The following KRTAP19-4 variants were observed in gnomAD, a reference collection of about 807,000 sequenced individuals.
KRTAP19-4 encodes the protein keratin-associated protein 19-4.
For synonymous variants in KRTAP19-4, 42 were observed against 41.7 expected (o/e 1.01, Z -0.03); for missense variants, 102 against 101.1 (o/e 1.01, Z -0.04).
the KRTAP19-4 span, chr21:30,496,907 C>CTCAG: frequency 6.2e-7 from 1 of 1,610,890 alleles, no homozygotes; most frequent in African/African-American, 1.4e-5. Flanking sequence ...ATATCGTGTC[C>CTCAG]TCAGGGTAGG....
chr21:30,496,873 T>C lies in KRTAP19-4; in HGVS notation c.238A>G (p.Asn80Asp). 1 of 1,609,768 alleles carries C rather than the reference T, an allele frequency of 6.2e-7. No homozygotes were observed. The highest frequency in any genetic ancestry group is 2.2e-5 in the East Asian group (1 of 44,750). ...TISEVIRRSF[N>D]LTKY ...TGTTTGACTCAATATTTGGTTAAATTGAATGATCTTCTTATGACCTCTGAT... is the reference window on the plus strand; with the variant it reads ...TGTTTGACTCAATATTTGGTTAAATCGAATGATCTTCTTATGACCTCTGAT... Residue 80 changes from asparagine to aspartate, a missense_variant, in exon 1 of 1, where the codon AAT (asparagine) becomes GAT (aspartate). By Grantham distance (23) the Asn-to-Asp change is conservative. Coordinates refer to ENST00000334058, the MANE Select transcript of KRTAP19-4 (RefSeq NM_181610.3).
chr21:30,496,988 A>G lies in KRTAP19-4; in HGVS notation c.123T>C (p.Phe41=), dbSNP rs1986118226. 1 of 1,613,210 alleles carries G rather than the reference A, an allele frequency of 6.2e-7. No homozygotes were observed. Among genetic ancestry groups the G allele is most frequent in the African/African-American group, 1.3e-5 (1 of 74,692 alleles). The change falls in exon 1 of 1, where the codon TTT becomes TTC. Residue 41 remains phenylalanine (F), a synonymous_variant. Coordinates refer to ENST00000334058, the MANE Select transcript of KRTAP19-4 (RefSeq NM_181610.3). ...GGCAGTAGCCATATCCGTTGCCTCC[A>G]AAGCCACAGCCATAACCCAGTCTGC... ...SFRRLGYGCG[F]GGNGYGYCRP...
chr21:30,496,936 ATCCATATCC>A lies in KRTAP19-4; in HGVS notation c.166_174del (p.Gly56_Gly58del). On this transcript the variant is annotated inframe_deletion, in exon 1 of 1. Transcript: ENST00000334058. ...GGGTAGGATTTCAGTAGAATTGAGAATCCATATCCTCCATAGCATGATGGGCGGCAGTAG... is the reference window on the plus strand; with the variant it reads ...GGGTAGGATTTCAGTAGAATTGAGAATCCATAGCATGATGGGCGGCAGTAG... 6.2e-7 allele frequency: 1 copy of A among 1,612,380 alleles called. No homozygotes were observed. Among genetic ancestry groups the A allele is most frequent in the Non-Finnish European group, 8.5e-7 (1 of 1,179,756 alleles).
Position 30,496,993 on chromosome 21 carries a change from C to T in KRTAP19-4, c.118G>A (p.Gly40Ser). ...GSFRRLGYGCGFGGNGYGYCR... is the reference protein window; with the variant it reads ...GSFRRLGYGCSFGGNGYGYCR... The stretch of plus-strand genomic sequence containing the variant: ...TAGCCATATCCGTTGCCTCCAAAGC[C>T]ACAGCCATAACCCAGTCTGCGGAAG... Residue 40 changes from glycine (G) to serine (S), a missense_variant, in exon 1 of 1, where the codon GGC (glycine) becomes AGC (serine). Transcript: ENST00000334058. 1 of 1,612,872 alleles carries T rather than the reference C, an allele frequency of 6.2e-7. No homozygotes were observed. The highest frequency in any genetic ancestry group is 8.5e-7 in the Non-Finnish European group (1 of 1,179,656).
chr21:30,496,932 G>C, the KRTAP19-4 span: 1 of 1,611,816 alleles, frequency 6.2e-7, no homozygotes, highest in South Asian at 1.1e-5. Flanking sequence ...CAGTAGAATT[G>C]AGAATCCATA....
Position 30,497,147 on chromosome 21 carries a change from C to A in KRTAP19-4, c.-37G>T. The A allele has an allele frequency of 6.2e-7, 1 of 1,611,200 alleles. No individual in the cohort carries two copies. The highest frequency in any genetic ancestry group is 1.1e-5 in the South Asian group (1 of 90,922). On this transcript the variant is annotated 5_prime_UTR_variant, in exon 1 of 1. Coordinates refer to ENST00000334058, the MANE Select transcript of KRTAP19-4 (RefSeq NM_181610.3). ...TGGTGAGTTGTTTGGCTGCTCAAGG[C>A]AAGATCCTAAGTGTGAATGGCAGCA...
rs756908944 is a variant in KRTAP19-4 at position 30,497,100 on chromosome 21, T to C, written c.11A>G (p.Tyr4Cys). 6.2e-6 allele frequency: 10 copies of C among 1,613,490 alleles called. No individual in the cohort carries two copies. The highest frequency in any genetic ancestry group is 1.1e-5 in the South Asian group (1 of 91,018). The change falls in exon 1 of 1, where the codon TAT becomes TGT. Residue 4 changes from tyrosine (Y) to cysteine (C), a missense_variant. By Grantham distance (194) the Tyr-to-Cys change is radical. Coordinates refer to ENST00000334058, the MANE Select transcript of KRTAP19-4 (RefSeq NM_181610.3). ...GCCCAGGCCTCTGTAATAGCTGCCATAGTAGCTCATGGCGTCAGGAGTGGT... is the reference window on the plus strand; with the variant it reads ...GCCCAGGCCTCTGTAATAGCTGCCACAGTAGCTCATGGCGTCAGGAGTGGT... MSY[Y>C]GSYYRGLGYG...
At position 30,497,022 on chromosome 21, in the gene KRTAP19-4, C is replaced by T. The variant is rs543482103; in HGVS notation, c.89G>A (p.Gly30Asp). 3 of 1,613,346 alleles carry T rather than the reference C, an allele frequency of 1.9e-6. No homozygotes were observed. Among genetic ancestry groups the T allele is most frequent in the East Asian group, 2.2e-5 (1 of 44,828 alleles). ...GLGYGYGCGC[G>D]SFRRLGYGCG... ...GCCATAACCCAGTCTGCGGAAGCTG[C>T]CACATCCACAGCCATAGCCATAGCC... Residue 30 changes from glycine (G) to aspartate (D), a missense_variant, in exon 1 of 1, where the codon GGC (glycine) becomes GAC (aspartate). Transcript: ENST00000334058.
chr21:30,496,967 G>A lies in KRTAP19-4; in HGVS notation c.144C>T (p.Tyr48=), dbSNP rs776740400. 7.4e-6 allele frequency: 12 copies of A among 1,611,314 alleles called. No homozygotes were observed. Among genetic ancestry groups the A allele is most frequent in the Non-Finnish European group, 1.0e-5 (12 of 1,179,662 alleles). Residue 48 remains tyrosine, a synonymous_variant, in exon 1 of 1, where the codon TAC becomes TAT. Transcript: ENST00000334058. ...GCGFGGNGYG[Y]CRPSCYGGYG... The stretch of plus-strand genomic sequence containing the variant: ...ATCCTCCATAGCATGATGGGCGGCA[G>A]TAGCCATATCCGTTGCCTCCAAAGC...
Position 30,496,910 on chromosome 21 carries a change from A to G in KRTAP19-4, c.201T>C (p.Pro67=). ...YGFSILLKSY[P]EDTISEVIRR... ...TTATGACCTCTGATATCGTGTCCTC[A>G]GGGTAGGATTTCAGTAGAATTGAGA... The change falls in exon 1 of 1, where the codon CCT becomes CCC. Residue 67 remains proline (P), a synonymous_variant. Transcript: ENST00000334058. 6.2e-7 allele frequency: 1 copy of G among 1,611,718 alleles called. No individual in the cohort carries two copies. Among genetic ancestry groups the G allele is most frequent in the Non-Finnish European group, 8.5e-7 (1 of 1,179,656 alleles).
Position 30,497,130 on chromosome 21 carries a change from T to G in KRTAP19-4, c.-20A>C. 6.2e-7 allele frequency: 1 copy of G among 1,612,718 alleles called. No homozygotes were observed. Among genetic ancestry groups the G allele is most frequent in the South Asian group, 1.1e-5 (1 of 91,008 alleles). ...GCTCATGGCGTCAGGAGTGGTGAGT[T>G]GTTTGGCTGCTCAAGGCAAGATCCT... On this transcript the variant is annotated 5_prime_UTR_variant, in exon 1 of 1. Coordinates refer to ENST00000334058, the MANE Select transcript of KRTAP19-4 (RefSeq NM_181610.3).
chr21:30,497,114 G>T lies in KRTAP19-4; in HGVS notation c.-4C>A. The T allele has an allele frequency of 6.2e-7, 1 of 1,613,388 alleles. No homozygotes were observed. Among genetic ancestry groups the T allele is most frequent in the Non-Finnish European group, 8.5e-7 (1 of 1,179,780 alleles). ...AATAGCTGCCATAGTAGCTCATGGC[G>T]TCAGGAGTGGTGAGTTGTTTGGCTG... On this transcript the variant is annotated 5_prime_UTR_variant, in exon 1 of 1. Coordinates refer to ENST00000334058, the MANE Select transcript of KRTAP19-4 (RefSeq NM_181610.3).
chr21:30,496,896 G>A lies in KRTAP19-4; in HGVS notation c.215C>T (p.Ser72Leu). The A allele has an allele frequency of 6.2e-7, 1 of 1,610,542 alleles. No individual in the cohort carries two copies. Among genetic ancestry groups the A allele is most frequent in the Non-Finnish European group, 8.5e-7 (1 of 1,179,372 alleles). ...ATTGAATGATCTTCTTATGACCTCT[G>A]ATATCGTGTCCTCAGGGTAGGATTT... ...LLKSYPEDTI[S>L]EVIRRSFNLT... is the part of the protein sequence containing the mutation. The change falls in exon 1 of 1, where the codon TCA (serine) becomes TTA (leucine). Residue 72 changes from serine (S) to leucine (L), a missense_variant. Physicochemically the swap from Ser to Leu is moderately radical, Grantham distance 145. Transcript: ENST00000334058.
At position 30,497,059 on chromosome 21, in the gene KRTAP19-4, A is replaced by G. The variant is rs927851111; in HGVS notation, c.52T>C (p.Phe18Leu). The G allele has an allele frequency of 6.2e-7, 1 of 1,613,048 alleles. No individual in the cohort carries two copies. The highest frequency in any genetic ancestry group is 8.5e-7 in the Non-Finnish European group (1 of 1,179,810). ...CCATAGCCATAGCCTAGGCCACCAAAGCCTCCACAGCCATAGCCCAGGCCT... is the reference window on the plus strand; with the variant it reads ...CCATAGCCATAGCCTAGGCCACCAAGGCCTCCACAGCCATAGCCCAGGCCT... The part of the protein sequence containing the change: ...YRGLGYGCGG[F>L]GGLGYGYGCG... Residue 18 changes from phenylalanine to leucine, a missense_variant, in exon 1 of 1, where the codon TTT becomes CTT. Physicochemically the swap from Phe to Leu is conservative, Grantham distance 22. Transcript: ENST00000334058.
In KRTAP19-4 at chr21:30,496,947, C is replaced by G. The variant is rs1319150580; in HGVS notation, c.164G>C (p.Gly55Ala). 1 of 1,612,396 alleles carries G rather than the reference C, an allele frequency of 6.2e-7. No individual in the cohort carries two copies. Among genetic ancestry groups the G allele is most frequent in the Non-Finnish European group, 8.5e-7 (1 of 1,179,740 alleles). Residue 55 changes from glycine (G) to alanine (A), a missense_variant, in exon 1 of 1, where the codon GGA becomes GCA. Physicochemically the swap from Gly to Ala is moderately conservative, Grantham distance 60. Coordinates refer to ENST00000334058, the MANE Select transcript of KRTAP19-4 (RefSeq NM_181610.3). ...GYGYCRPSCY[G>A]GYGFSILLKS... The stretch of plus-strand genomic sequence containing the variant: ...CAGTAGAATTGAGAATCCATATCCT[C>G]CATAGCATGATGGGCGGCAGTAGCC...
Position 30,497,063 on chromosome 21 carries a change from T to C in KRTAP19-4, c.48A>G (p.Gly16=). ...AGCCATAGCCTAGGCCACCAAAGCC[T>C]CCACAGCCATAGCCCAGGCCTCTGT... ...SYYRGLGYGC[G]GFGGLGYGYG... Residue 16 remains glycine (G), a synonymous_variant, in exon 1 of 1, where the codon GGA becomes GGG. Coordinates refer to ENST00000334058, the MANE Select transcript of KRTAP19-4 (RefSeq NM_181610.3). 2 of 1,613,038 alleles carry C rather than the reference T, an allele frequency of 1.2e-6. No individual in the cohort carries two copies. The highest frequency in any genetic ancestry group is 1.7e-6 in the Non-Finnish European group (2 of 1,179,766).
chr21:30,497,006 C>T lies in KRTAP19-4; in HGVS notation c.105G>A (p.Leu35=), dbSNP rs1458611664. The T allele has an allele frequency of 6.2e-7, 1 of 1,613,042 alleles. No homozygotes were observed. The highest frequency in any genetic ancestry group is 8.5e-7 in the Non-Finnish European group (1 of 1,179,868). Residue 35 remains leucine (L), a synonymous_variant, in exon 1 of 1, where the codon CTG becomes CTA. Transcript: ENST00000334058. ...YGCGCGSFRR[L]GYGCGFGGNG... ...TGCCTCCAAAGCCACAGCCATAACCCAGTCTGCGGAAGCTGCCACATCCAC... is the reference window on the plus strand; with the variant it reads ...TGCCTCCAAAGCCACAGCCATAACCTAGTCTGCGGAAGCTGCCACATCCAC...
rs766275066 is a variant in KRTAP19-4 at position 30,496,897 on chromosome 21, A to T, written c.214T>A (p.Ser72Thr). 12 of 1,610,930 alleles carry T rather than the reference A, an allele frequency of 7.4e-6. No individual in the cohort carries two copies. The South Asian group carries it at 1.3e-4, about 18-fold the overall frequency. ...LLKSYPEDTI[S>T]EVIRRSFNLT... ...TTGAATGATCTTCTTATGACCTCTG[A>T]TATCGTGTCCTCAGGGTAGGATTTC... Residue 72 changes from serine (S) to threonine (T), a missense_variant, in exon 1 of 1, where the codon TCA (serine) becomes ACA (threonine). Physicochemically the swap from Ser to Thr is moderately conservative, Grantham distance 58 (BLOSUM62 1). Coordinates refer to ENST00000334058, the MANE Select transcript of KRTAP19-4 (RefSeq NM_181610.3).
chr21:30,496,960 G>A lies in KRTAP19-4; in HGVS notation c.151C>T (p.Pro51Ser). The A allele has an allele frequency of 6.2e-7, 1 of 1,612,340 alleles. No homozygotes were observed. The highest frequency in any genetic ancestry group is 1.1e-5 in the South Asian group (1 of 90,916). The change falls in exon 1 of 1, where the codon CCA (proline) becomes TCA (serine). Residue 51 changes from proline (P) to serine (S), a missense_variant. Pro to Ser is a moderately conservative substitution (Grantham distance 74, BLOSUM62 -1). Coordinates refer to ENST00000334058, the MANE Select transcript of KRTAP19-4 (RefSeq NM_181610.3). ...FGGNGYGYCRPSCYGGYGFSI... is the reference protein window; with the variant it reads ...FGGNGYGYCRSSCYGGYGFSI... ...AATCCATATCCTCCATAGCATGATG[G>A]GCGGCAGTAGCCATATCCGTTGCCT...
Sources: gnomAD v4.1 joint callset for allele counts on GRCh38, gnomAD v4.1.1 for gene constraint, MANE v1.5 for transcripts, NCBI Gene and HGNC (gene_info 2026-07-23, HGNC 2026-07-21) for gene names.